Variants in LIN28B observed in about 807,000 individuals in gnomAD.
LIN28B encodes the protein lin-28 RNA binding posttranscriptional regulator B, also known as protein lin-28 homolog B.
In LIN28B, 5 loss-of-function variants were observed where a neutral mutation model predicts 21.9. The ratio of observed to expected loss-of-function variants is 0.23; its 90% CI spans 0.12 to 0.48. LIN28B has a LOEUF of 0.48. Ranked by LOEUF, LIN28B falls within the 20% of genes least tolerant of loss-of-function variation. The pLI, the probability that LIN28B is intolerant of heterozygous loss-of-function variation, is 0.98. For synonymous variants in LIN28B, 109 were observed against 111.3 expected (o/e 0.98, Z 0.13); for missense variants, 245 against 310.5 (o/e 0.79, Z 1.58).
intron 2 of LIN28B, among the ~76,000 whole-genome samples, chr6:105,007,529 C>A (rs867847992): frequency 9.3e-5 from 14 of 151,288 alleles, no homozygotes; most frequent in African/African-American, 1.9e-4. Flanking sequence ...TTAAATATAT[C>A]TCTTTTTTTT....
intron 2 of LIN28B, among the ~76,000 whole-genome samples, chr6:105,017,371 C>A (rs1454750470): frequency 1.3e-5 from 2 of 152,118 alleles, no homozygotes; most frequent in African/African-American, 4.8e-5. Flanking sequence ...TTTGTCTTCT[C>A]CCACCTCTTC....
chr6:104,948,340 G>T (rs913309633), intron 2 of LIN28B, among the ~76,000 whole-genome samples: 3 of 152,118 alleles, frequency 2.0e-5, no homozygotes, highest in African/African-American at 7.2e-5. Flanking sequence ...GGTCGCACAT[G>T]CCTGTAATCC....
rs144980496 is a variant in LIN28B, at chr6:104,993,767, G to A, written c.199-32531G>A. Among the ~76,000 whole-genome samples the A allele has an allele frequency of 6.8e-3, 1,033 of 151,444 alleles. 12 individuals are homozygous for A. Among genetic ancestry groups the A allele is most frequent in the African/African-American group, 0.021 (858 of 41,212 alleles). The stretch of plus-strand genomic sequence containing the variant: ...CAAGAATCCCTTTAACCTGGGAGAC[G>A]GAGGTTGCGGTGAGCCGAGATTGAG... On this transcript the variant is annotated intron_variant, in intron 2 of 3. Transcript: ENST00000345080.
intron 2 of LIN28B, among the ~76,000 whole-genome samples, chr6:105,008,795 T>C (rs190131590): frequency 6.6e-6 from 1 of 152,328 alleles, no homozygotes; most frequent in Admixed American, 6.5e-5. Flanking sequence ...TTTGTTTTAC[T>C]TTGAGTTCAA....
intron 2 of LIN28B, 48 bp downstream of exon 2, chr6:104,958,334 GAGCTGATCGGT>G: frequency 2.1e-6 from 3 of 1,423,136 alleles, no homozygotes; most frequent in Non-Finnish European, 2.9e-6. Context: ...CCATGTGGAG[GAGCTGATCGGT>G]AGTTATGCCA....
At position 105,043,388 on chromosome 6, in the gene LIN28B, A is replaced by T. The variant is rs160600; in HGVS notation, c.383+16906A>T. On this transcript the variant is annotated intron_variant, in intron 3 of 3. Coordinates refer to ENST00000345080, the MANE Select transcript of LIN28B (RefSeq NM_001004317.4). ...AAAAAAAAAAGAAAACTAAAACTAT[A>T]CAAAGTTAGTATAAAAGAAAACACA... is the stretch of plus-strand genomic sequence containing the variant. 8.0e-3 allele frequency among the ~76,000 whole-genome samples: 1,153 copies of T among 144,562 alleles called. 16 individuals carry two copies. The highest frequency in any genetic ancestry group is 0.028 in the African/African-American group (1,099 of 39,854). 94.8% of individuals were successfully genotyped at this position (144,562 alleles called of 152,430 possible). A position where few individuals can be genotyped will look rare whatever the true frequency, so the allele number is the denominator to read the frequency against.
chr6:104,988,669 T>C (rs188823896), intron 2 of LIN28B, among the ~76,000 whole-genome samples: 213 of 151,904 alleles, frequency 1.4e-3, no homozygotes, highest in African/African-American at 4.8e-3. Context: ...CCTCCCAGGT[T>C]CAAGTGATTC....
intron 2 of LIN28B, among the ~76,000 whole-genome samples, chr6:104,944,654 C>CATT (rs1778136024): frequency 6.6e-6 from 1 of 152,038 alleles, no homozygotes; most frequent in South Asian, 2.1e-4. Flanking sequence ...CTGTGCTCTA[C>CATT]ATTATATGAA....
intron 3 of LIN28B, among the ~76,000 whole-genome samples, chr6:105,051,642 A>G (rs1771908864): frequency 1.3e-5 from 2 of 151,926 alleles, no homozygotes; most frequent in South Asian, 2.1e-4. Flanking sequence ...CTTATTTACT[A>G]TTGTGTCATG....
At chr6:104,989,576 G>GTTTTTTTTTTTTTTTTTT (rs34394074) in intron 2 of LIN28B, among the ~76,000 whole-genome samples, 29 of 60,590 alleles carry the variant, frequency 4.8e-4, no homozygotes, top group East Asian at 7.9e-4. Flanking sequence ...TTTTACTTGG[G>GTTTTTTTTTTTTTTTTTT]TTTTTTTTTT....
chr6:105,035,480 G>A (rs978802245), intron 3 of LIN28B, among the ~76,000 whole-genome samples: 1 of 152,102 alleles, frequency 6.6e-6, no homozygotes, highest in African/African-American at 2.4e-5. Context: ...GTCAACATCT[G>A]AGGGCAGGAG....
intron 2 of LIN28B, among the ~76,000 whole-genome samples, chr6:104,986,810 G>T (rs1770355263): frequency 6.6e-6 from 1 of 152,082 alleles, no homozygotes; most frequent in Non-Finnish European, 1.5e-5. Flanking sequence ...TTACCTTTAG[G>T]TTCTGAAATA....
chr6:105,053,769 G>A (rs1771965425), intron 3 of LIN28B, among the ~76,000 whole-genome samples: 1 of 148,252 alleles, frequency 6.7e-6, no homozygotes, highest in African/African-American at 2.5e-5. Flanking sequence ...TTTCACTCTT[G>A]TAGCCCAGGC....
chr6:105,050,341 G>A (rs914526847), intron 3 of LIN28B, among the ~76,000 whole-genome samples: 18 of 152,072 alleles, frequency 1.2e-4, no homozygotes, highest in African/African-American at 3.1e-4. Context: ...GGTGGCTCAC[G>A]CCTGTAATCC....
intron 2 of LIN28B, among the ~76,000 whole-genome samples, chr6:105,019,148 A>G (rs1006018823): frequency 6.6e-6 from 1 of 151,998 alleles, no homozygotes; most frequent in Non-Finnish European, 1.5e-5. Flanking sequence ...GGGTTTCACT[A>G]TGTTGGCCAG....
At chr6:104,966,380 T>C (rs1769859250) in intron 2 of LIN28B, among the ~76,000 whole-genome samples, 1 of 152,204 alleles carries the variant, frequency 6.6e-6, no homozygotes, top group Non-Finnish European at 1.5e-5. Flanking sequence ...ATTTAAAAAC[T>C]GTAACAATCT....
chr6:105,024,662 A>G (rs1389748246), intron 2 of LIN28B, among the ~76,000 whole-genome samples: 1 of 152,180 alleles, frequency 6.6e-6, no homozygotes, highest in African/African-American at 2.4e-5. Context: ...AGATTTCACT[A>G]TGCCAGGTGA....
intron 2 of LIN28B, among the ~76,000 whole-genome samples, chr6:105,022,773 G>A (rs62419616): frequency 1.3e-5 from 2 of 152,068 alleles, no homozygotes; most frequent in South Asian, 2.1e-4. Flanking sequence ...CTAGCCTTGC[G>A]GGGAAATGAG....
chr6:104,995,391 C>T (rs912999589), intron 2 of LIN28B, among the ~76,000 whole-genome samples: 1 of 152,108 alleles, frequency 6.6e-6, no homozygotes, highest in African/African-American at 2.4e-5. Context: ...GAGACAGAAG[C>T]ATGAGAATTA....
Sources: gnomAD v4.1 joint callset for allele counts (sites outside exome capture counted in the v4.1 genomes callset) on GRCh38, gnomAD v4.1.1 for gene constraint, MANE v1.5 for transcripts, NCBI Gene and HGNC (gene_info 2026-07-23, HGNC 2026-07-21) for gene names.